The following CHD5 variants were observed in gnomAD, a reference collection of about 807,000 sequenced individuals.
The protein encoded by CHD5 is ATP-dependent chromatin remodeler CHD5.
In CHD5, 69 loss-of-function variants were observed where a neutral mutation model predicts 230.3. The ratio of observed to expected loss-of-function variants is 0.30; its 90% CI spans 0.25 to 0.37. The LOEUF (loss-of-function observed/expected upper bound fraction) is 0.37, where lower values mean the gene tolerates loss of function less well. CHD5 is among the 10% of genes least tolerant of loss of function. CHD5 has a pLI of 1.00. For synonymous variants in CHD5, 1,064 were observed against 1,065.9 expected, an observed-to-expected ratio of 1.00 and a Z score of 0.03; for missense variants, 1,827 against 2,622.8, an observed-to-expected ratio of 0.70 and a Z score of 6.63.
At chr1:6,153,627 T>C (rs1420025355) in intron 5 of CHD5, among the ~76,000 whole-genome samples, 2 of 152,088 alleles carry the variant, frequency 1.3e-5, no homozygotes, top group Non-Finnish European at 2.9e-5. Flanking sequence ...TCAGGAGTTC[T>C]GAGACCAGCC....
chr1:6,141,694 T>C (rs1474002900), intron 15 of CHD5, among the ~76,000 whole-genome samples: 1 of 152,150 alleles, frequency 6.6e-6, no homozygotes, highest in Non-Finnish European at 1.5e-5. Flanking sequence ...GTATGAATGA[T>C]GTGTTTATAG....
chr1:6,133,042 A>G (rs2100849660), intron 20 of CHD5, among the ~76,000 whole-genome samples: 1 of 152,254 alleles, frequency 6.6e-6, no homozygotes, highest in East Asian at 1.9e-4. Flanking sequence ...TTACAGGGTG[A>G]GCCACTGCGC....
chr1:6,114,857 T>C (rs1202134523), intron 33 of CHD5, among the ~76,000 whole-genome samples: 1 of 151,762 alleles, frequency 6.6e-6, no homozygotes, highest in Non-Finnish European at 1.5e-5. Flanking sequence ...CTACTAAAAA[T>C]ACAAAAATTA....
At chr1:6,110,590 A>C (rs2100831417) in intron 36 of CHD5, 64 bp from the exon 37 acceptor site, 4 of 1,285,538 alleles carry the variant, frequency 3.1e-6, no homozygotes, top group African/African-American at 1.5e-5. Flanking sequence ...AGGGGGAGGC[A>C]GCTCAGGGAG....
At chr1:6,168,854 A>G (rs1374844241) in intron 1 of CHD5, among the ~76,000 whole-genome samples, 2 of 152,138 alleles carry the variant, frequency 1.3e-5, no homozygotes, top group Non-Finnish European at 2.9e-5. Flanking sequence ...CCCCGTCTCT[A>G]CTAAAAATAC....
chr1:6,126,639 G>T lies in CHD5; in HGVS notation c.4011C>A (p.Arg1337=), dbSNP rs1666562773. Residue 1337 remains arginine (R), a synonymous_variant, in exon 26 of 42, where the codon CGC becomes CGA. Coordinates refer to ENST00000262450, the MANE Select transcript of CHD5 (RefSeq NM_015557.3). This position sits in a 1 kb window ranked among gnomAD's most constrained non-coding sequence, Gnocchi z 5.7. ...GGATGCGCTTGCCCTTGCCCAGGTT[G>T]CGGGCCAGGTCCTCCTGCTGCTGCT... ...HYEQQQEDLA[R]NLGKGKRIRK... The T allele has an allele frequency of 4.3e-6, 7 of 1,613,820 alleles. No homozygotes were observed. Among genetic ancestry groups the T allele is most frequent in the African/African-American group, 1.3e-5 (1 of 74,906 alleles).
chr1:6,171,761 A>G (rs2100885521), intron 1 of CHD5, among the ~76,000 whole-genome samples: 1 of 152,342 alleles, frequency 6.6e-6, no homozygotes, highest in East Asian at 1.9e-4. Flanking sequence ...CAGAGCATGC[A>G]GCCAGTGTTA....
chr1:6,143,748 C>G lies in CHD5; in HGVS notation c.2043+75G>C, dbSNP rs1242128703. 7 of 1,283,578 alleles carry G rather than the reference C, an allele frequency of 5.5e-6. No homozygotes were observed. In the African/African-American group the frequency reaches 8.7e-5, roughly 16 times the overall value. The allele number at this position is 1,283,578 out of a possible 1,614,324, so 79.5% of individuals were successfully genotyped here. ...GGAAACATCCTTTTGAGAACACACACCCCCTGCACATTCAAGTCTGAGGTG... is the reference window on the plus strand; with the variant it reads ...GGAAACATCCTTTTGAGAACACACAGCCCCTGCACATTCAAGTCTGAGGTG... On this transcript the variant is annotated intron_variant, in intron 13 of 41. Transcript: ENST00000262450.
rs1287615394 is a variant in CHD5, at chr1:6,155,102, CCCCCAAAACACCCA to C, written c.507-218_507-205del. Among the ~76,000 whole-genome samples, 1 of 103,202 alleles carries C rather than the reference CCCCCAAAACACCCA, an allele frequency of 9.7e-6. No individual in the cohort carries two copies. The highest frequency in any genetic ancestry group is 2.3e-5 in the Non-Finnish European group (1 of 43,010). 67.7% of individuals were successfully genotyped at this position (103,202 alleles called of 152,430 possible). ...GCTTCCTGTCCACACCCACAGCCCA[CCCCCAAAACACCCA>C]GCTTCCTGTCCACACCCACAGCCCA... On this transcript the variant is annotated intron_variant, in intron 4 of 41. Coordinates refer to ENST00000262450, the MANE Select transcript of CHD5 (RefSeq NM_015557.3). The surrounding 1 kb of genome is among the most constrained non-coding windows in gnomAD (Gnocchi z 4.0).
intron 33 of CHD5, among the ~76,000 whole-genome samples, chr1:6,118,554 G>A (rs1666413412): frequency 6.6e-6 from 1 of 152,136 alleles, no homozygotes; most frequent in South Asian, 2.1e-4. Context: ...GATTGCCAGG[G>A]GCTGGGAGGA....
intron 15 of CHD5, among the ~76,000 whole-genome samples, chr1:6,141,808 A>G (rs527573980): frequency 6.6e-6 from 1 of 152,264 alleles, no homozygotes; most frequent in East Asian, 1.9e-4. Context: ...AGGAGGCTGG[A>G]AGGAGGAAGG....
chr1:6,163,616 G>A (rs1010340655), intron 2 of CHD5, among the ~76,000 whole-genome samples: 1 of 152,216 alleles, frequency 6.6e-6, no homozygotes, highest in Non-Finnish European at 1.5e-5. Context: ...GGACCTGGAG[G>A]GACGGAGCAT....
rs1372180404 is a variant in CHD5, at chr1:6,154,770, G to A, written c.635C>T (p.Ala212Val). ...GACCGTCTCTACAGCCGCAGCCACC[G>A]CCGCCGCCGCTGCTGCCGCGGAGCT... ...KGSSAAAAAA[A>V]VAAAVETVTI... The change falls in exon 5 of 42, where the codon GCG (alanine) becomes GTG (valine). Residue 212 changes from alanine (A) to valine (V), a missense_variant. Coordinates refer to ENST00000262450, the MANE Select transcript of CHD5 (RefSeq NM_015557.3). The surrounding 1 kb of genome is among the most constrained non-coding windows in gnomAD (Gnocchi z 7.0). 8 of 1,610,732 alleles carry A rather than the reference G, an allele frequency of 5.0e-6. No individual in the cohort carries two copies. The highest frequency in any genetic ancestry group is 3.3e-5 in the South Asian group (3 of 90,816).
chr1:6,124,575 C>G lies in CHD5; in HGVS notation c.4481G>C (p.Gly1494Ala). ...ETFADGVPRE[G>A]LSRQHVLTRI... ...GGTCAGCACGTGCTGCCTGGAGAGG[C>G]CCTCCCGGGGCACGCCGTCTGCGAA... Residue 1494 changes from glycine to alanine, a missense_variant, in exon 30 of 42, where the codon GGC (glycine) becomes GCC (alanine). Physicochemically the swap from Gly to Ala is moderately conservative, Grantham distance 60 (BLOSUM62 0). This residue lies in a region of CHD5 where 108 missense variants were observed against 152.4 expected (regional missense o/e 0.71). Transcript: ENST00000262450. 1 of 1,613,622 alleles carries G rather than the reference C, an allele frequency of 6.2e-7. No homozygotes were observed. The highest frequency in any genetic ancestry group is 2.2e-5 in the East Asian group (1 of 44,860).
chr1:6,155,762 G>C lies in CHD5; in HGVS notation c.388-45C>G. 6.9e-7 allele frequency: 1 copy of C among 1,458,230 alleles called. No homozygotes were observed. The highest frequency in any genetic ancestry group is 9.6e-7 in the Non-Finnish European group (1 of 1,039,870). 90.3% of individuals were successfully genotyped at this position (1,458,230 alleles called of 1,614,324 possible). ...AGGTAGAGTTGTTGAGGGGCCTTCT[G>C]ACCTGCACCCCCATCCCCAGGGTCT... On this transcript the variant is annotated intron_variant, in intron 3 of 41. Coordinates refer to ENST00000262450, the MANE Select transcript of CHD5 (RefSeq NM_015557.3). The surrounding 1 kb of genome is among the most constrained non-coding windows in gnomAD (Gnocchi z 4.0).
At chr1:6,164,165 T>C (rs1557561382) in intron 2 of CHD5, among the ~76,000 whole-genome samples, 1 of 152,282 alleles carries the variant, frequency 6.6e-6, no homozygotes, top group East Asian at 1.9e-4. Context: ...CCCACCTCCA[T>C]CTCCCTTCCC....
intron 1 of CHD5, among the ~76,000 whole-genome samples, chr1:6,170,612 G>A (rs1217843442): frequency 6.6e-6 from 1 of 152,152 alleles, no homozygotes; most frequent in East Asian, 1.9e-4. Context: ...ACACAGGGAG[G>A]GCACCCTGTG....
Position 6,101,961 on chromosome 1 carries a change from C to CA in CHD5, c.*3512_*3513insT. On this transcript the variant is annotated 3_prime_UTR_variant, in exon 42 of 42. Transcript: ENST00000262450. ...CTTCCAAAGCTGGACCCGCCCCCGC[C>CA]GGGGCCACCCTGGCTGGGACTCCTG... 2.4e-6 allele frequency: 1 copy of CA among 419,002 alleles called. No individual in the cohort carries two copies. Among genetic ancestry groups the CA allele is most frequent in the Admixed American group, 2.8e-5 (1 of 35,660 alleles). The allele number at this position is 419,002 out of a possible 1,614,324, so 26.0% of individuals were successfully genotyped here. A position where few individuals can be genotyped will look rare whatever the true frequency, so the allele number is the denominator to read the frequency against.
Position 6,142,775 on chromosome 1 carries a change from C to T in CHD5, c.2044-170G>A, listed in dbSNP as rs1666848638. Among the ~76,000 whole-genome samples the T allele has an allele frequency of 6.6e-6, 1 of 152,202 alleles. No homozygotes were observed. On this transcript the variant is annotated intron_variant, in intron 13 of 41. Transcript: ENST00000262450. The surrounding 1 kb of genome is among the most constrained non-coding windows in gnomAD (Gnocchi z 5.2). ...TGGAACACCTCTTCCTCTAGGAAGCCCTCCCTGACTCCCAGCCTGGCTGAA... is the reference window on the plus strand; with the variant it reads ...TGGAACACCTCTTCCTCTAGGAAGCTCTCCCTGACTCCCAGCCTGGCTGAA...
Sources: gnomAD v4.1 joint callset for allele counts (sites outside exome capture counted in the v4.1 genomes callset) on GRCh38, gnomAD v4.1.1 for gene constraint, gnomAD v4.1.1 regional missense constraint, Gnocchi (gnomAD v3.1) non-coding constraint, MANE v1.5 for transcripts, NCBI Gene and HGNC (gene_info 2026-07-23, HGNC 2026-07-21) for gene names.